ANKRD30A: variants seen among roughly 807,000 people sequenced by gnomAD.
ANKRD30A encodes ankyrin repeat domain-containing protein 30A.
A neutral mutation model predicts 166.3 loss-of-function variants in ANKRD30A; 170 were observed. The observed-to-expected ratio is 1.02, with a 90% CI of 0.90 to 1.16. ANKRD30A has a LOEUF of 1.16. ANKRD30A is among the 50% of genes most tolerant of loss of function. The pLI, the probability that ANKRD30A is intolerant of heterozygous loss-of-function variation, is 0.00. For synonymous variants in ANKRD30A, 564 were observed against 508.9 expected (o/e 1.11, Z -1.46); for missense variants, 1,630 against 1,518.0 (o/e 1.07, Z -1.23).
chr10:37,200,027 G>T (rs1012842802), intron 30 of ANKRD30A, among the ~76,000 whole-genome samples: 3 of 152,022 alleles, frequency 2.0e-5, no homozygotes, highest in African/African-American at 7.2e-5. Flanking sequence ...GAAATAATAA[G>T]AGTTAGAATT....
intron 6 of ANKRD30A, among the ~76,000 whole-genome samples, chr10:37,140,265 C>T (rs1462973311): frequency 2.0e-5 from 3 of 152,126 alleles, no homozygotes; most frequent in African/African-American, 7.2e-5. Flanking sequence ...AGTGAAAACC[C>T]ATATTCAAGC....
intron 35 of ANKRD30A, among the ~76,000 whole-genome samples, chr10:37,232,218 T>C (rs958975993): frequency 1.3e-5 from 2 of 152,020 alleles, no homozygotes; most frequent in Admixed American, 6.6e-5. Flanking sequence ...TTTTGTTTTG[T>C]TTTAAAGCTA....
chr10:37,224,628 G>C (rs988872380), intron 34 of ANKRD30A, among the ~76,000 whole-genome samples: 1 of 151,492 alleles, frequency 6.6e-6, no homozygotes, highest in African/African-American at 2.4e-5. Context: ...CAAGACGGCT[G>C]CTTTTCAATT....
chr10:37,150,930 T>TA (rs2132555986), intron 11 of ANKRD30A, among the ~76,000 whole-genome samples: 1 of 151,990 alleles, frequency 6.6e-6, no homozygotes, highest in South Asian at 2.1e-4. Flanking sequence ...TTCTTAGAGC[T>TA]ATGGTGTGGC....
chr10:37,232,524 C>T lies in ANKRD30A; in HGVS notation c.*237C>T, dbSNP rs1465523105. ...AATTGCATAAAGCTGCACAGGATTC[C>T]CATCTACCCTGATGATGCAGCAGAC... On this transcript the variant is annotated 3_prime_UTR_variant, in exon 36 of 36. Transcript: ENST00000361713. The T allele has an allele frequency of 6.7e-6, 1 of 149,858 alleles. No homozygotes were observed. Among genetic ancestry groups the T allele is most frequent in the Non-Finnish European group, 1.5e-5 (1 of 67,410 alleles). The allele number at this position is 149,858 out of a possible 1,614,324, so 9.3% of individuals were successfully genotyped here.
chr10:37,183,878 G>A (rs1298675299), intron 24 of ANKRD30A, among the ~76,000 whole-genome samples: 1 of 148,764 alleles, frequency 6.7e-6, no homozygotes, highest in Non-Finnish European at 1.5e-5. Context: ...ACCGGGTGCG[G>A]TGGCTCACGT....
At position 37,219,504 on chromosome 10, in the gene ANKRD30A, A is replaced by C; in HGVS notation, c.3792A>C (p.Lys1264Asn). Reference sequence around the variant, plus strand: ...CTCAAAGGAAATCCAAAAGCCTAAAAATTAATCTCAATTATGCAGGAGATG... The same window carrying C: ...CTCAAAGGAAATCCAAAAGCCTAAACATTAATCTCAATTATGCAGGAGATG... Reference protein sequence around the residue: ...SEAQRKSKSLKINLNYAGDAL... With the variant: ...SEAQRKSKSLNINLNYAGDAL... The change falls in exon 34 of 36, where the codon AAA (lysine) becomes AAC (asparagine). Residue 1264 changes from lysine to asparagine, a missense_variant. Transcript: ENST00000361713. The C allele has an allele frequency of 6.2e-7, 1 of 1,610,316 alleles. No individual in the cohort carries two copies.
At chr10:37,139,763 A>C (rs1039650620) in intron 6 of ANKRD30A, among the ~76,000 whole-genome samples, 4 of 152,162 alleles carry the variant, frequency 2.6e-5, no homozygotes, top group Non-Finnish European at 4.4e-5. Flanking sequence ...TGGTCTCCTT[A>C]TTTTGCCCAG....
intron 34 of ANKRD30A, among the ~76,000 whole-genome samples, chr10:37,226,573 C>T (rs1336686262): frequency 6.6e-6 from 1 of 151,802 alleles, no homozygotes; most frequent in Non-Finnish European, 1.5e-5. Context: ...ATACATCAAA[C>T]ATTTTATTTA....
At chr10:37,127,489 A>G (rs1233097678) in intron 1 of ANKRD30A, among the ~76,000 whole-genome samples, 1 of 152,174 alleles carries the variant, frequency 6.6e-6, no homozygotes, top group African/African-American at 2.4e-5. Flanking sequence ...GCATACTTGT[A>G]AAAATATTTA....
intron 34 of ANKRD30A, 65 bp downstream of exon 34, chr10:37,219,962 C>G (rs1842809460): frequency 8.3e-7 from 1 of 1,198,076 alleles, no homozygotes. Flanking sequence ...TCATATTTGG[C>G]CTTGGCTAAA....
Position 37,193,268 on chromosome 10 carries a change from G to T in ANKRD30A, c.2614+10G>T. 6.2e-7 allele frequency: 1 copy of T among 1,604,432 alleles called. No homozygotes were observed. Among genetic ancestry groups the T allele is most frequent in the Non-Finnish European group, 8.5e-7 (1 of 1,176,426 alleles). On this transcript the variant is annotated intron_variant, in intron 27 of 35. Transcript: ENST00000361713. Reference sequence around the variant, plus strand: ...CAAACTTTCAAAGCAGGTAAATTTTGTAATTTTAATTTTACTCTGGAAAGA... The same window carrying T: ...CAAACTTTCAAAGCAGGTAAATTTTTTAATTTTAATTTTACTCTGGAAAGA...
At chr10:37,141,420 A>G (rs577603617) in intron 6 of ANKRD30A, among the ~76,000 whole-genome samples, 21 of 152,066 alleles carry the variant, frequency 1.4e-4, no homozygotes, top group Non-Finnish European at 3.1e-4. Flanking sequence ...AATATGAAAA[A>G]TTAGCTGGGT....
At chr10:37,238,836 T>C in the ANKRD30A span, among the ~76,000 whole-genome samples, 1 of 152,228 alleles carries the variant, frequency 6.6e-6, no homozygotes, top group African/African-American at 2.4e-5. Flanking sequence ...TTATCTGATA[T>C]TGAGTTATTT....
intron 7 of ANKRD30A, among the ~76,000 whole-genome samples, chr10:37,142,683 G>T: frequency 6.9e-6 from 1 of 144,918 alleles, no homozygotes; most frequent in Admixed American, 7.5e-5. Flanking sequence ...CCGCCTCCCA[G>T]GTTCATGTGA....
At chr10:37,138,276 G>GA (rs963427762) in intron 6 of ANKRD30A, among the ~76,000 whole-genome samples, 16 of 152,082 alleles carry the variant, frequency 1.1e-4, no homozygotes, top group African/African-American at 3.4e-4. Flanking sequence ...CAAAGATGGG[G>GA]AAAAAACAGA....
intron 15 of ANKRD30A, among the ~76,000 whole-genome samples, chr10:37,161,134 A>C (rs978189814): frequency 6.6e-6 from 1 of 152,150 alleles, no homozygotes; most frequent in Admixed American, 6.6e-5. Flanking sequence ...CGCATTTCTA[A>C]TAAGTTCTCA....
rs532683036 is a variant in ANKRD30A at position 37,159,638 on chromosome 10, G to A, written c.1900+1052G>A. On this transcript the variant is annotated intron_variant, in intron 15 of 35. Coordinates refer to ENST00000361713, the MANE Select transcript of ANKRD30A (RefSeq NM_052997.3). ...TGTTTTCATGTCTTATAGGCTATAT[G>A]TAGAATTTGTTTTCATGTCTTAAAT... is the stretch of plus-strand genomic sequence containing the variant. Among the ~76,000 whole-genome samples, 212 of 152,168 alleles carry A rather than the reference G, an allele frequency of 1.4e-3. 1 individual carries two copies. The highest frequency in any genetic ancestry group is 5.0e-3 in the African/African-American group (207 of 41,548).
At chr10:37,158,968 T>G (rs1838610699) in intron 15 of ANKRD30A, among the ~76,000 whole-genome samples, 1 of 152,166 alleles carries the variant, frequency 6.6e-6, no homozygotes, top group South Asian at 2.1e-4. Context: ...GACATGACAG[T>G]TGTGAGTGTT....
Sources: gnomAD v4.1 joint callset for allele counts (sites outside exome capture counted in the v4.1 genomes callset) on GRCh38, gnomAD v4.1.1 for gene constraint, MANE v1.5 for transcripts, NCBI Gene and HGNC (gene_info 2026-07-23, HGNC 2026-07-21) for gene names.